PREX2: variants seen among roughly 807,000 people sequenced by gnomAD.
PREX2 encodes the protein phosphatidylinositol-3,4,5-trisphosphate dependent Rac exchange factor 2.
In PREX2, 107 loss-of-function variants were observed where a neutral mutation model predicts 203.2. The observed-to-expected ratio is 0.53, with a 90% confidence interval of 0.45 to 0.62. The LOEUF is 0.62. Among genes scored for constraint, PREX2 ranks in the 20% least tolerant of loss-of-function variants. The pLI, the probability that PREX2 is intolerant of heterozygous loss-of-function variation, is 0.00. For synonymous variants in PREX2, 672 were observed against 663.6 expected, an observed-to-expected ratio of 1.01 and a Z score of -0.19; for missense variants, 1,777 against 1,955.9, an observed-to-expected ratio of 0.91 and a Z score of 1.72.
intron 14 of PREX2, among the ~76,000 whole-genome samples, chr8:68,073,383 AC>A (rs1563530391): frequency 1.3e-5 from 2 of 151,842 alleles, no homozygotes; most frequent in Non-Finnish European, 2.9e-5. Flanking sequence ...ACACACCTTT[AC>A]TTTTTCTTAA....
At chr8:68,074,964 A>G (rs1464356502) in intron 14 of PREX2, among the ~76,000 whole-genome samples, 1 of 152,228 alleles carries the variant, frequency 6.6e-6, no homozygotes, top group Non-Finnish European at 1.5e-5. Context: ...CTATTATAGT[A>G]TAATGGTTTG....
chr8:68,103,972 A>G (rs996467500), intron 23 of PREX2, among the ~76,000 whole-genome samples: 1 of 151,762 alleles, frequency 6.6e-6, no homozygotes. Context: ...TCCATATCTC[A>G]CGCTTCACAT....
chr8:68,166,545 T>G (rs985538412), intron 35 of PREX2, among the ~76,000 whole-genome samples: 3 of 152,212 alleles, frequency 2.0e-5, no homozygotes, highest in Non-Finnish European at 4.4e-5. Context: ...GAGTTAATCT[T>G]GACTTCTTAA....
At chr8:68,055,098 T>C (rs1473204704) in intron 9 of PREX2, among the ~76,000 whole-genome samples, 1 of 152,196 alleles carries the variant, frequency 6.6e-6, no homozygotes, top group African/African-American at 2.4e-5. Flanking sequence ...CTTCAGTTTG[T>C]TCCCCGCACT....
chr8:68,127,429 T>C lies in PREX2; in HGVS notation c.3766+10T>C, dbSNP rs915686360. The C allele has an allele frequency of 6.2e-7, 1 of 1,601,690 alleles. No homozygotes were observed. Among genetic ancestry groups the C allele is most frequent in the African/African-American group, 1.3e-5 (1 of 74,670 alleles). On this transcript the variant is annotated intron_variant, in intron 31 of 39. Transcript: ENST00000288368. Reference sequence around the variant, plus strand: ...CTTCTTGAATATTCAGGTAACATTTTGCATTTTATTTTTTTTTACTATTTA... The same window carrying C: ...CTTCTTGAATATTCAGGTAACATTTCGCATTTTATTTTTTTTTACTATTTA...
At chr8:68,047,998 A>G (rs1424660712) in intron 8 of PREX2, among the ~76,000 whole-genome samples, 1 of 152,096 alleles carries the variant, frequency 6.6e-6, no homozygotes, top group Non-Finnish European at 1.5e-5. Flanking sequence ...AAAGAAATTT[A>G]AATGATGGTA....
intron 1 of PREX2, among the ~76,000 whole-genome samples, chr8:68,010,534 A>AT (rs1807228664): frequency 6.6e-6 from 1 of 152,234 alleles, no homozygotes; most frequent in Non-Finnish European, 1.5e-5. Flanking sequence ...GAAATATCAG[A>AT]TAACATTTAC....
At chr8:68,222,325 T>C (rs1331580444) in intron 38 of PREX2, among the ~76,000 whole-genome samples, 1 of 151,704 alleles carries the variant, frequency 6.6e-6, no homozygotes, top group Non-Finnish European at 1.5e-5. Context: ...CTGGAACATC[T>C]TGAGGTGCCA....
chr8:68,233,427 T>G lies in PREX2; in HGVS notation c.*2049T>G, dbSNP rs1002683646. 8.5e-5 allele frequency: 13 copies of G among 152,200 alleles called. No individual in the cohort carries two copies. Among genetic ancestry groups the G allele is most frequent in the Non-Finnish European group, 1.8e-4 (12 of 68,038 alleles). The allele number at this position is 152,200 out of a possible 1,614,324, so 9.4% of individuals were successfully genotyped here. A position where few individuals can be genotyped will look rare whatever the true frequency, so the allele number is the denominator to read the frequency against. The stretch of plus-strand genomic sequence containing the variant: ...TTATAAGCTAACATATTTTATATTT[T>G]TAAGGATCTACTTTCTTCATAATAG... On this transcript the variant is annotated 3_prime_UTR_variant, in exon 40 of 40. Transcript: ENST00000288368.
At chr8:68,148,025 T>A (rs1327164695) in intron 34 of PREX2, among the ~76,000 whole-genome samples, 1 of 152,118 alleles carries the variant, frequency 6.6e-6, no homozygotes, top group Non-Finnish European at 1.5e-5. Context: ...GGCAGGTGAA[T>A]CACCTGAGGT....
Position 68,224,547 on chromosome 8 carries a change from C to T in PREX2, c.4708-12C>T, listed in dbSNP as rs1383548784. The T allele has an allele frequency of 6.2e-7, 1 of 1,611,412 alleles. No homozygotes were observed. The highest frequency in any genetic ancestry group is 8.5e-7 in the Non-Finnish European group (1 of 1,177,702). ...ACACTGTAGGGATAAAAGTGATTTT[C>T]CTGACTTTCAGGGAGCAAGAGTTCA... On this transcript the variant is annotated splice_polypyrimidine_tract_variant and intron_variant, in intron 38 of 39. Transcript: ENST00000288368.
rs559087361 is a variant in PREX2, at chr8:67,971,548, TA to T, written c.141+19019del. Among the ~76,000 whole-genome samples the T allele has an allele frequency of 5.2e-3, 785 of 152,164 alleles. 10 individuals carry two copies. The highest frequency in any genetic ancestry group is 0.018 in the African/African-American group (749 of 41,514). Reference sequence around the variant, plus strand: ...AGATACATGCTTTCCAAACTGCCCCTAAAAAATAGGTAATATCATAATAGAA... The same window carrying T: ...AGATACATGCTTTCCAAACTGCCCCTAAAAATAGGTAATATCATAATAGAA... On this transcript the variant is annotated intron_variant, in intron 1 of 39. Coordinates refer to ENST00000288368, the MANE Select transcript of PREX2 (RefSeq NM_024870.4).
chr8:68,184,907 C>A (rs1812159506), intron 35 of PREX2, among the ~76,000 whole-genome samples: 2 of 152,096 alleles, frequency 1.3e-5, no homozygotes, highest in African/African-American at 4.8e-5. Context: ...CCTGGAGCAC[C>A]AGCTTAACCC....
chr8:68,099,648 G>A (rs772100798), intron 22 of PREX2, 34 bp from the exon 23 acceptor site: 1 of 1,597,932 alleles, frequency 6.3e-7, no homozygotes, highest in East Asian at 2.2e-5. Flanking sequence ...GTGTGTTTGT[G>A]TGTGTGGGTG....
intron 1 of PREX2, among the ~76,000 whole-genome samples, chr8:67,986,586 G>T (rs1806433700): frequency 6.6e-6 from 1 of 152,142 alleles, no homozygotes; most frequent in South Asian, 2.1e-4. Flanking sequence ...TTATCTCATT[G>T]GGTTTAAGTC....
At chr8:68,072,443 TCTTG>T in intron 13 of PREX2, 48 bp from the exon 14 acceptor site, 1 of 985,362 alleles carries the variant, frequency 1.0e-6, no homozygotes, top group Non-Finnish European at 1.6e-6. Context: ...TTACCTACCC[TCTTG>T]CTTAATTTTT....
At chr8:68,145,423 T>C (rs1003762552) in intron 33 of PREX2, among the ~76,000 whole-genome samples, 2 of 152,276 alleles carry the variant, frequency 1.3e-5, no homozygotes, top group Admixed American at 6.5e-5. Context: ...AAGAAGCAGG[T>C]CAGAAGTTAT....
chr8:68,220,484 C>T (rs1316097825), intron 38 of PREX2: 1 of 152,016 alleles, frequency 6.6e-6, no homozygotes, highest in African/African-American at 2.4e-5. Context: ...TCCAAAGTAC[C>T]CTGACCCCTT....
At chr8:68,091,266 G>A (rs781522530) in intron 20 of PREX2, among the ~76,000 whole-genome samples, 3 of 152,202 alleles carry the variant, frequency 2.0e-5, no homozygotes, top group East Asian at 1.9e-4. Context: ...AAATGTACTC[G>A]GCGTTATCTA....
Sources: gnomAD v4.1 joint callset for allele counts (sites outside exome capture counted in the v4.1 genomes callset) on GRCh38, gnomAD v4.1.1 for gene constraint, MANE v1.5 for transcripts, NCBI Gene and HGNC (gene_info 2026-07-23, HGNC 2026-07-21) for gene names.